Variants in KIN observed in about 807,000 individuals in gnomAD.
KIN encodes DNA/RNA-binding protein KIN17.
KIN carries 47 observed loss-of-function variants against 63.0 expected under a neutral mutation model. The ratio of observed to expected loss-of-function variants is 0.75; its 90% CI spans 0.59 to 0.95. KIN has a LOEUF of 0.95. Among genes scored for constraint, KIN ranks in the 40% least tolerant of loss-of-function variants. KIN has a pLI of 0.00. For missense variants in KIN, 408 were observed against 460.9 expected, an observed-to-expected ratio of 0.89 and a Z score of 1.05; for synonymous variants, 160 against 157.7, an observed-to-expected ratio of 1.01 and a Z score of -0.11.
chr10:7,767,292 G>A (rs1160865522), intron 8 of KIN, among the ~76,000 whole-genome samples: 1 of 152,028 alleles, frequency 6.6e-6, no homozygotes, highest in East Asian at 1.9e-4. Context: ...TCTAGGTACC[G>A]TTCACAGGAT....
chr10:7,787,344 G>T (rs1206081712), intron 1 of KIN, among the ~76,000 whole-genome samples: 2 of 152,092 alleles, frequency 1.3e-5, no homozygotes, highest in Non-Finnish European at 2.9e-5. Flanking sequence ...TTCTGTGCCC[G>T]GTACAGTGTA....
At chr10:7,772,920 G>C (rs1407397292) in intron 7 of KIN, among the ~76,000 whole-genome samples, 1 of 152,210 alleles carries the variant, frequency 6.6e-6, no homozygotes, top group Non-Finnish European at 1.5e-5. Flanking sequence ...TTGCAAATGA[G>C]AGTAAGTTAA....
At chr10:7,768,702 G>T (rs1269983751) in intron 8 of KIN, among the ~76,000 whole-genome samples, 1 of 152,248 alleles carries the variant, frequency 6.6e-6, no homozygotes, top group South Asian at 2.1e-4. Flanking sequence ...GAGTTTCAAA[G>T]ACAGCACCTG....
At chr10:7,775,136 C>T (rs1053686489) in intron 6 of KIN, among the ~76,000 whole-genome samples, 1 of 152,200 alleles carries the variant, frequency 6.6e-6, no homozygotes, top group African/African-American at 2.4e-5. Flanking sequence ...CTGCTCTATC[C>T]CCATTTCCCC....
At chr10:7,758,578 C>G (rs1835377196) in intron 12 of KIN, among the ~76,000 whole-genome samples, 1 of 151,290 alleles carries the variant, frequency 6.6e-6, no homozygotes, top group African/African-American at 2.4e-5. Context: ...CAACAGTAAT[C>G]AGTTGTTTTG....
Position 7,774,862 on chromosome 10 carries a change from T to C in KIN, c.637A>G (p.Ser213Gly). 6.2e-7 allele frequency: 1 copy of C among 1,613,190 alleles called. No individual in the cohort carries two copies. The highest frequency in any genetic ancestry group is 8.5e-7 in the Non-Finnish European group (1 of 1,179,228). ...VTFNLSKGACSSSGATSSKSS... is the reference protein window; with the variant it reads ...VTFNLSKGACGSSGATSSKSS... ...TTGGAAGATGTTGCTCCGGATGAGC[T>C]ACATGCTCCTTTACTCAAATTAAAC... The change falls in exon 7 of 13, where the codon AGC (serine) becomes GGC (glycine). Residue 213 changes from serine (S) to glycine (G), a missense_variant. Physicochemically the swap from Ser to Gly is moderately conservative, Grantham distance 56. Coordinates refer to ENST00000379562, the MANE Select transcript of KIN (RefSeq NM_012311.4).
chr10:7,785,586 A>T (rs1835984747), intron 1 of KIN, among the ~76,000 whole-genome samples: 1 of 152,136 alleles, frequency 6.6e-6, no homozygotes. Context: ...TGAGGTCGGG[A>T]GTTTGAGACC....
chr10:7,753,467 T>G lies in KIN; in HGVS notation c.*2613A>C, dbSNP rs1835274489. 6.6e-6 allele frequency: 1 copy of G among 152,240 alleles called. No individual in the cohort carries two copies. The highest frequency in any genetic ancestry group is 2.4e-5 in the African/African-American group (1 of 41,462). 9.4% of individuals were successfully genotyped at this position (152,240 alleles called of 1,614,324 possible). On this transcript the variant is annotated 3_prime_UTR_variant, in exon 13 of 13. Transcript: ENST00000379562. ...TTTTGAAATTCTTCAGACCAGATTC[T>G]TAGTAGTCCAGGCTCAACTTCTTGG...
Position 7,756,141 on chromosome 10 carries a change from C to A in KIN, c.1121G>T (p.Gly374Val). 2 of 1,549,380 alleles carry A rather than the reference C, an allele frequency of 1.3e-6. No individual in the cohort carries two copies. The highest frequency in any genetic ancestry group is 1.8e-6 in the Non-Finnish European group (2 of 1,141,484). ...TFSATIVIET[G>V]PLKGRRVEGI... ...TTCAACTCTGCGTCCTTTTAAAGGGCCCTACAAATTAAAATAATTTAAAAT... is the reference window on the plus strand; with the variant it reads ...TTCAACTCTGCGTCCTTTTAAAGGGACCTACAAATTAAAATAATTTAAAAT... The change falls in exon 13 of 13, where the codon GGC becomes GTC. Residue 374 changes from glycine to valine, a missense_variant and splice_region_variant. Gly to Val is a moderately radical substitution (Grantham distance 109, BLOSUM62 -3). Coordinates refer to ENST00000379562, the MANE Select transcript of KIN (RefSeq NM_012311.4).
rs999464730 is a variant in KIN at position 7,755,887 on chromosome 10, A to G, written c.*193T>C. The G allele has an allele frequency of 2.5e-6, 1 of 400,952 alleles. No homozygotes were observed. Among genetic ancestry groups the G allele is most frequent in the Non-Finnish European group, 4.5e-6 (1 of 224,636 alleles). 24.8% of individuals were successfully genotyped at this position (400,952 alleles called of 1,614,324 possible). A position where few individuals can be genotyped will look rare whatever the true frequency, so the allele number is the denominator to read the frequency against. ...ACAAAAATAACAAGGACAAAATTACATAGTTTGATACCTCATGAGACATAA... is the reference window on the plus strand; with the variant it reads ...ACAAAAATAACAAGGACAAAATTACGTAGTTTGATACCTCATGAGACATAA... On this transcript the variant is annotated 3_prime_UTR_variant, in exon 13 of 13. Coordinates refer to ENST00000379562, the MANE Select transcript of KIN (RefSeq NM_012311.4).
At chr10:7,772,085 A>C (rs777490579) in intron 7 of KIN, among the ~76,000 whole-genome samples, 1 of 152,180 alleles carries the variant, frequency 6.6e-6, no homozygotes, top group Non-Finnish European at 1.5e-5. Flanking sequence ...AGGCTCATTT[A>C]GGAAAGCACA....
intron 6 of KIN, among the ~76,000 whole-genome samples, chr10:7,775,507 T>C (rs565004157): frequency 3.1e-4 from 47 of 152,298 alleles, no homozygotes; most frequent in African/African-American, 1.1e-3. Flanking sequence ...ACCTCTGGGA[T>C]TCTTATTATG....
At chr10:7,787,686 A>C in intron 1 of KIN, 134 bp downstream of exon 1, 1 of 690,622 alleles carries the variant, frequency 1.4e-6, no homozygotes, top group South Asian at 1.6e-5. Flanking sequence ...TGACTCGCCC[A>C]CTGCAGACCT....
intron 1 of KIN, among the ~76,000 whole-genome samples, chr10:7,783,646 C>T (rs998945878): frequency 3.3e-5 from 5 of 152,084 alleles, no homozygotes; most frequent in African/African-American, 1.2e-4. Flanking sequence ...TTATATTAAC[C>T]TTGTTAAACA....
chr10:7,780,176 T>G lies in KIN; in HGVS notation c.256A>C (p.Thr86Pro). 6.2e-7 allele frequency: 1 copy of G among 1,613,338 alleles called. No individual in the cohort carries two copies. The highest frequency in any genetic ancestry group is 8.5e-7 in the Non-Finnish European group (1 of 1,179,560). Reference sequence around the variant, plus strand: ...ACAATGTTGTTGTGGACCCTTTTAGTGCCTGAGAACAAAATATGACACTGA... The same window carrying G: ...ACAATGTTGTTGTGGACCCTTTTAGGGCCTGAGAACAAAATATGACACTGA... ...FLELLRRRFGTKRVHNNIVYN... is the reference protein window; with the variant it reads ...FLELLRRRFGPKRVHNNIVYN... Residue 86 changes from threonine to proline, a missense_variant and splice_region_variant, in exon 4 of 13, where the codon ACT (threonine) becomes CCT (proline). Thr to Pro is a conservative substitution (Grantham distance 38). Coordinates refer to ENST00000379562, the MANE Select transcript of KIN (RefSeq NM_012311.4).
rs1413000909 is a variant in KIN at position 7,780,247 on chromosome 10, A to T, written c.253+17T>A. ...CATTTATAAAGCTGTTATTTGCACA[A>T]TATTTAAAATGTTTACCAAAGCGTC... is the stretch of plus-strand genomic sequence containing the variant. On this transcript the variant is annotated intron_variant, in intron 3 of 12. Transcript: ENST00000379562. 1.2e-6 allele frequency: 2 copies of T among 1,610,150 alleles called. No individual in the cohort carries two copies. Among genetic ancestry groups the T allele is most frequent in the Admixed American group, 1.7e-5 (1 of 58,652 alleles).
In KIN at chr10:7,756,134, T is replaced by A; in HGVS notation, c.1128A>T (p.Leu376Phe). 1 of 1,573,788 alleles carries A rather than the reference T, an allele frequency of 6.4e-7. No homozygotes were observed. Residue 376 changes from leucine to phenylalanine, a missense_variant, in exon 13 of 13, where the codon TTA becomes TTT. This residue lies in a region of KIN where 298 missense variants were observed against 296.0 expected (regional missense o/e 1.01). Transcript: ENST00000379562. The part of the protein sequence containing the change: ...SATIVIETGP[L>F]KGRRVEGIQY... ...GAATTCCTTCAACTCTGCGTCCTTT[T>A]AAAGGGCCCTACAAATTAAAATAAT...
chr10:7,777,978 C>T (rs1471790877), intron 5 of KIN, among the ~76,000 whole-genome samples: 2 of 152,004 alleles, frequency 1.3e-5, no homozygotes, highest in East Asian at 1.9e-4. Context: ...CCTGTGCCTA[C>T]AAGAATCCTG....
chr10:7,773,829 T>G (rs560549397), intron 7 of KIN, among the ~76,000 whole-genome samples: 81 of 152,364 alleles, frequency 5.3e-4, no homozygotes, highest in African/African-American at 1.9e-3. Context: ...CTCTCTTGTC[T>G]TACTCATCTT....
Sources: allele counts gnomAD v4.1 joint callset (sites outside exome capture counted in the v4.1 genomes callset), GRCh38; gene constraint gnomAD v4.1.1; regional missense constraint gnomAD v4.1.1; transcripts MANE v1.5; gene names NCBI Gene and HGNC (gene_info 2026-07-23, HGNC 2026-07-21).